ERICH6B: variants seen among roughly 807,000 people sequenced by gnomAD.
ERICH6B encodes the protein glutamate rich 6B.
ERICH6B carries 69 observed loss-of-function variants against 80.0 expected under a neutral mutation model. The ratio of observed to expected loss-of-function variants is 0.86; its 90% CI spans 0.71 to 1.05. ERICH6B has a LOEUF of 1.05. ERICH6B is among the 50% of genes least tolerant of loss of function. ERICH6B has a pLI of 0.00. For synonymous variants in ERICH6B, 283 were observed against 291.9 expected, an observed-to-expected ratio of 0.97 and a Z score of 0.31; for missense variants, 754 against 796.1, an observed-to-expected ratio of 0.95 and a Z score of 0.64.
chr13:45,557,816 C>T lies in ERICH6B; in HGVS notation c.1407+3553G>A, dbSNP rs141313532. Among the ~76,000 whole-genome samples, 753 of 152,230 alleles carry T rather than the reference C, an allele frequency of 4.9e-3. 4 individuals are homozygous for T. Among genetic ancestry groups the T allele is most frequent in the African/African-American group, 0.017 (725 of 41,534 alleles). On this transcript the variant is annotated intron_variant, in intron 11 of 14. Transcript: ENST00000298738. ...TGCCTATTTTTATACCAGTACCATG[C>T]TGTTTTGGTGACTATGGCCTCATAG...
chr13:45,562,899 T>C (rs980661874), intron 10 of ERICH6B, among the ~76,000 whole-genome samples: 3 of 152,162 alleles, frequency 2.0e-5, no homozygotes, highest in Non-Finnish European at 4.4e-5. Flanking sequence ...TGTACTCTAT[T>C]GAGAGGGAAT....
At chr13:45,562,681 C>T (rs955394772) in intron 10 of ERICH6B, among the ~76,000 whole-genome samples, 7 of 152,060 alleles carry the variant, frequency 4.6e-5, no homozygotes, top group Non-Finnish European at 7.4e-5. Flanking sequence ...GGAACTTAAC[C>T]GGGCTTTGAA....
At chr13:45,613,624 G>C (rs1041981488) in intron 1 of ERICH6B, among the ~76,000 whole-genome samples, 12 of 152,180 alleles carry the variant, frequency 7.9e-5, no homozygotes, top group Non-Finnish European at 1.8e-4. Context: ...ATAGAGCTGA[G>C]AGGCAGGCTT....
intron 7 of ERICH6B, among the ~76,000 whole-genome samples, chr13:45,577,559 A>G (rs765574848): frequency 6.6e-6 from 1 of 151,978 alleles, no homozygotes; most frequent in Non-Finnish European, 1.5e-5. Flanking sequence ...TGGGATTAAG[A>G]ACAAATCTTA....
At chr13:45,546,548 C>T (rs765291706) in intron 13 of ERICH6B, among the ~76,000 whole-genome samples, 15 of 152,220 alleles carry the variant, frequency 9.9e-5, no homozygotes, top group Non-Finnish European at 2.1e-4. Context: ...GCCCGTAGCT[C>T]CCTACACATT....
At chr13:45,598,202 G>C (rs549905914) in intron 2 of ERICH6B, among the ~76,000 whole-genome samples, 1 of 152,086 alleles carries the variant, frequency 6.6e-6, no homozygotes, top group East Asian at 1.9e-4. Flanking sequence ...GTGTGTTCTT[G>C]TTCAATTTTT....
At chr13:45,545,855 G>A (rs1334870177) in intron 13 of ERICH6B, among the ~76,000 whole-genome samples, 1 of 152,198 alleles carries the variant, frequency 6.6e-6, no homozygotes, top group East Asian at 1.9e-4. Context: ...CTGGGCATGT[G>A]CAAATTTCCC....
At chr13:45,544,682 G>T in intron 14 of ERICH6B, 78 bp downstream of exon 14, 2 of 1,282,414 alleles carry the variant, frequency 1.6e-6, no homozygotes, top group Non-Finnish European at 1.1e-6. Context: ...CTGTGGCATG[G>T]GCCAGTCCAA....
intron 13 of ERICH6B, among the ~76,000 whole-genome samples, chr13:45,549,094 G>T (rs1337909496): frequency 3.3e-5 from 5 of 152,120 alleles, no homozygotes; most frequent in African/African-American, 9.7e-5. Context: ...GATCAACCTG[G>T]CCAACATGGT....
chr13:45,567,997 T>C (rs1223054886), intron 9 of ERICH6B, among the ~76,000 whole-genome samples: 1 of 152,244 alleles, frequency 6.6e-6, no homozygotes, highest in Non-Finnish European at 1.5e-5. Context: ...TACAAGTTCA[T>C]GGTCCCTGCA....
chr13:45,606,661 C>T (rs1426812437), intron 2 of ERICH6B, among the ~76,000 whole-genome samples: 3 of 147,386 alleles, frequency 2.0e-5, no homozygotes, highest in Admixed American at 6.8e-5. Flanking sequence ...TCAAGCGATT[C>T]TCCTGCTTCA....
intron 5 of ERICH6B, among the ~76,000 whole-genome samples, chr13:45,581,802 T>G (rs755203349): frequency 6.6e-6 from 1 of 152,230 alleles, no homozygotes; most frequent in African/African-American, 2.4e-5. Flanking sequence ...ACTTGTGTTG[T>G]GGCCTGTGGC....
intron 5 of ERICH6B, among the ~76,000 whole-genome samples, chr13:45,582,248 G>C (rs1875705806): frequency 6.6e-6 from 1 of 152,178 alleles, no homozygotes; most frequent in South Asian, 2.1e-4. Context: ...CGCCATTCCA[G>C]GGATGGCACT....
At position 45,564,105 on chromosome 13, in the gene ERICH6B, A is replaced by G. The variant is rs535109125; in HGVS notation, c.1188-317T>C. 2.0e-5 allele frequency among the ~76,000 whole-genome samples: 3 copies of G among 152,338 alleles called. No homozygotes were observed. In the South Asian group the frequency reaches 6.2e-4, roughly 32 times the overall value. The stretch of plus-strand genomic sequence containing the variant: ...GACAGAGCAGGGAGGTCCAAATGCA[A>G]GTATGGCCCTATTATTAACTCACAC... On this transcript the variant is annotated intron_variant, in intron 9 of 14. Coordinates refer to ENST00000298738, the MANE Select transcript of ERICH6B (RefSeq NM_182542.3).
chr13:45,578,225 T>C (rs1566296243), intron 7 of ERICH6B, among the ~76,000 whole-genome samples: 2 of 152,156 alleles, frequency 1.3e-5, no homozygotes. Context: ...AAGAATCCCA[T>C]TAGGTTGGTT....
At chr13:45,558,020 T>A (rs1330177409) in intron 11 of ERICH6B, among the ~76,000 whole-genome samples, 1 of 152,134 alleles carries the variant, frequency 6.6e-6, no homozygotes, top group Non-Finnish European at 1.5e-5. Flanking sequence ...AGATTGCTTT[T>A]GGCACTATGG....
chr13:45,600,661 T>A (rs1244358562), intron 2 of ERICH6B, among the ~76,000 whole-genome samples: 1 of 152,234 alleles, frequency 6.6e-6, no homozygotes, highest in Non-Finnish European at 1.5e-5. Context: ...GTTCCATTCA[T>A]GTTGTTGCGG....
At chr13:45,543,357 C>T (rs966816215) in intron 14 of ERICH6B, among the ~76,000 whole-genome samples, 1 of 152,138 alleles carries the variant, frequency 6.6e-6, no homozygotes, top group Non-Finnish European at 1.5e-5. Flanking sequence ...GTCCTAACCC[C>T]AGTGCTGGTG....
intron 9 of ERICH6B, among the ~76,000 whole-genome samples, chr13:45,567,313 G>C (rs1874958793): frequency 6.6e-6 from 1 of 152,222 alleles, no homozygotes; most frequent in Admixed American, 6.5e-5. Flanking sequence ...GGACTGTTGG[G>C]AAGGCATGAT....
Sources: gnomAD v4.1 joint callset for allele counts (sites outside exome capture counted in the v4.1 genomes callset) on GRCh38, gnomAD v4.1.1 for gene constraint, MANE v1.5 for transcripts, NCBI Gene and HGNC (gene_info 2026-07-23, HGNC 2026-07-21) for gene names.